Variants in ZBTB46 observed in about 807,000 individuals in gnomAD.
ZBTB46 encodes the protein zinc finger and BTB domain containing 46.
Under a neutral mutation model 44.1 loss-of-function variants are expected in ZBTB46, and 8 were observed. The ratio of observed to expected loss-of-function variants is 0.18; its 90% confidence interval spans 0.11 to 0.33. The LOEUF (loss-of-function observed/expected upper bound fraction) is 0.33. Ranked by LOEUF, ZBTB46 falls within the 10% of genes least tolerant of loss-of-function variation. The probability of loss-of-function intolerance (pLI) is 1.00; values close to 1 mark genes in which losing one functional copy is unlikely to be tolerated. For missense variants in ZBTB46, 651 were observed against 847.7 expected, an observed-to-expected ratio of 0.77 and a Z score of 2.88; for synonymous variants, 409 against 382.3, an observed-to-expected ratio of 1.07 and a Z score of -0.81.
rs55794100 is a variant in ZBTB46 at position 63,784,944 on chromosome 20, G to C, written c.937+4877C>G. 2.4e-3 allele frequency among the ~76,000 whole-genome samples: 365 copies of C among 152,306 alleles called. 2 individuals are homozygous for C. Among genetic ancestry groups the C allele is most frequent in the African/African-American group, 8.6e-3 (358 of 41,582 alleles). On this transcript the variant is annotated intron_variant, in intron 2 of 4. Transcript: ENST00000245663. ...ACTTGACATGTGTCCTTAGAAAAGA[G>C]ACTTTGTGGCCGGGCGTGGTGGCTC...
At chr20:63,785,800 C>T (rs1258704610) in intron 2 of ZBTB46, among the ~76,000 whole-genome samples, 1 of 152,218 alleles carries the variant, frequency 6.6e-6, no homozygotes, top group Non-Finnish European at 1.5e-5. Context: ...ACACAGCTCA[C>T]AGCCTTGTGT....
chr20:63,746,771 A>G lies in ZBTB46; in HGVS notation c.*159T>C. Reference sequence around the variant, plus strand: ...CCTCTTGCTGGGGTCGCACCTGCTTAGCCCGCAGGGCTGGTTTCCGTGGGG... The same window carrying G: ...CCTCTTGCTGGGGTCGCACCTGCTTGGCCCGCAGGGCTGGTTTCCGTGGGG... On this transcript the variant is annotated 3_prime_UTR_variant, in exon 5 of 5. Coordinates refer to ENST00000245663, the MANE Select transcript of ZBTB46 (RefSeq NM_001369741.1). The G allele has an allele frequency of 8.3e-7, 1 of 1,208,096 alleles. No homozygotes were observed. The highest frequency in any genetic ancestry group is 1.8e-5 in the South Asian group (1 of 55,268). 74.8% of individuals were successfully genotyped at this position (1,208,096 alleles called of 1,614,324 possible).
chr20:63,775,238 A>C (rs1030948018), intron 3 of ZBTB46: 1 of 164,170 alleles, frequency 6.1e-6, no homozygotes, highest in African/African-American at 2.4e-5. Context: ...GAGGCCCCCA[A>C]GTGCAATCGG....
intron 2 of ZBTB46, among the ~76,000 whole-genome samples, chr20:63,785,169 T>C (rs1342537207): frequency 3.2e-5 from 4 of 124,706 alleles, no homozygotes; most frequent in Non-Finnish European, 4.9e-5. Flanking sequence ...GAGGTGGAGG[T>C]TGCGGTGAGC....
intron 1 of ZBTB46, among the ~76,000 whole-genome samples, chr20:63,826,637 A>AT (rs11481682): frequency 0.18 from 27,159 of 151,952 alleles, 2,946 homozygotes; most frequent in East Asian, 0.46. Context: ...AGGCAGGAGA[A>AT]TGGGGTGAAC....
At chr20:63,755,669 A>T (rs1347588918) in intron 3 of ZBTB46, among the ~76,000 whole-genome samples, 2 of 152,168 alleles carry the variant, frequency 1.3e-5, no homozygotes, top group Non-Finnish European at 2.9e-5. Flanking sequence ...CATTGAGGGA[A>T]TTTCACTGGC....
intron 2 of ZBTB46, among the ~76,000 whole-genome samples, chr20:63,788,514 C>G (rs935740640): frequency 6.6e-6 from 1 of 152,132 alleles, no homozygotes; most frequent in Non-Finnish European, 1.5e-5. Flanking sequence ...ATAGGCAGGA[C>G]CCAAGGGGAG....
At chr20:63,775,022 C>T (rs1319487872) in intron 3 of ZBTB46, among the ~76,000 whole-genome samples, 1 of 152,094 alleles carries the variant, frequency 6.6e-6, no homozygotes, top group Non-Finnish European at 1.5e-5. Context: ...TTTTAAACTC[C>T]GAAAGCTGAA....
intron 1 of ZBTB46, among the ~76,000 whole-genome samples, chr20:63,813,047 G>A (rs1030922944): frequency 3.3e-5 from 5 of 151,688 alleles, no homozygotes; most frequent in East Asian, 3.9e-4. Flanking sequence ...GCAGTGAGCC[G>A]AGATCGCACC....
intron 2 of ZBTB46, among the ~76,000 whole-genome samples, chr20:63,784,120 A>G (rs1452402037): frequency 6.6e-6 from 1 of 152,196 alleles, no homozygotes; most frequent in Non-Finnish European, 1.5e-5. Flanking sequence ...GAACACCAGA[A>G]GGGGACACAG....
chr20:63,808,976 C>CAAAAAAAAAAAAAAAAAA (rs1157399042), intron 1 of ZBTB46, among the ~76,000 whole-genome samples: 3 of 75,224 alleles, frequency 4.0e-5, no homozygotes, highest in Non-Finnish European at 8.2e-5. Flanking sequence ...GACTCCGCTT[C>CAAAAAAAAAAAAAAAAAA]AAAAAAAAAA....
chr20:63,817,767 C>T (rs997832242), intron 1 of ZBTB46, among the ~76,000 whole-genome samples: 3 of 151,550 alleles, frequency 2.0e-5, no homozygotes, highest in African/African-American at 7.3e-5. Flanking sequence ...AACCTGGACA[C>T]CCGCAGGGGA....
intron 1 of ZBTB46, among the ~76,000 whole-genome samples, chr20:63,817,535 T>C (rs2092766295): frequency 2.0e-5 from 3 of 151,642 alleles, no homozygotes; most frequent in Admixed American, 2.0e-4. Flanking sequence ...GGCAACATGG[T>C]GAAACCCTGT....
chr20:63,782,352 G>T (rs1391823420), intron 2 of ZBTB46, among the ~76,000 whole-genome samples: 1 of 152,168 alleles, frequency 6.6e-6, no homozygotes, highest in Non-Finnish European at 1.5e-5. Flanking sequence ...GGTGACAGAA[G>T]CGAGGATGGG....
Position 63,752,822 on chromosome 20 carries a change from G to A in ZBTB46, c.1262C>T (p.Pro421Leu), listed in dbSNP as rs1354668166. The A allele has an allele frequency of 5.0e-6, 8 of 1,611,982 alleles. No homozygotes were observed. The highest frequency in any genetic ancestry group is 3.3e-5 in the Admixed American group (2 of 59,934). The change falls in exon 4 of 5, where the codon CCG (proline) becomes CTG (leucine). Residue 421 changes from proline to leucine, a missense_variant. Pro to Leu is a moderately conservative substitution (Grantham distance 98). Around this residue, in one of 5 missense-constraint regions of ZBTB46, gnomAD observed 385 missense variants for 423.3 expected, o/e 0.91. Transcript: ENST00000245663. The surrounding 1 kb of genome is among the most constrained non-coding windows in gnomAD (Gnocchi z 5.6). Reference protein sequence around the residue: ...FTVIRKKFKCPYCSFSAMHQC... With the variant: ...FTVIRKKFKCLYCSFSAMHQC... ...GTGCATGGCCGAGAAGCTGCAGTAC[G>A]GACACTTGAACTTCTTCCTGATCAC...
At chr20:63,827,084 C>T (rs1026614022) in intron 1 of ZBTB46, among the ~76,000 whole-genome samples, 2 of 152,166 alleles carry the variant, frequency 1.3e-5, no homozygotes, top group African/African-American at 2.4e-5. Flanking sequence ...GTCCACACAG[C>T]AGTCCAGGCA....
intron 3 of ZBTB46, among the ~76,000 whole-genome samples, chr20:63,764,564 C>T (rs1369503531): frequency 3.3e-5 from 5 of 152,086 alleles, no homozygotes; most frequent in Non-Finnish European, 7.3e-5. Context: ...GGAAAGTCAG[C>T]CATCACTGTT....
At chr20:63,766,269 GC>G (rs1286673160) in intron 3 of ZBTB46, among the ~76,000 whole-genome samples, 1 of 139,516 alleles carries the variant, frequency 7.2e-6, no homozygotes, top group African/African-American at 2.7e-5. Context: ...AGGCTGGAGT[GC>G]AATGGCATGA....
At chr20:63,781,431 G>A (rs1196951876) in intron 2 of ZBTB46, among the ~76,000 whole-genome samples, 2 of 152,102 alleles carry the variant, frequency 1.3e-5, no homozygotes, top group African/African-American at 4.8e-5. Flanking sequence ...AAAAAGACCT[G>A]GACAGACACT....
Sources: gnomAD v4.1 joint callset for allele counts (sites outside exome capture counted in the v4.1 genomes callset) on GRCh38, gnomAD v4.1.1 for gene constraint, gnomAD v4.1.1 regional missense constraint, Gnocchi (gnomAD v3.1) non-coding constraint, MANE v1.5 for transcripts, NCBI Gene and HGNC (gene_info 2026-07-23, HGNC 2026-07-21) for gene names.